The following OPRPN variants were observed in gnomAD, a reference collection of about 807,000 sequenced individuals.
The protein encoded by OPRPN is basic proline-rich lacrimal protein.
A neutral mutation model predicts 2.2 loss-of-function variants in OPRPN; 1 was observed. The observed-to-expected ratio is 0.45, with a 90% CI of 0.16 to 2.15. OPRPN has a LOEUF of 2.15. Among genes scored for constraint, OPRPN ranks in the 30% most tolerant of loss-of-function variants. OPRPN has a pLI of 0.28. For synonymous variants in OPRPN, 126 were observed against 111.5 expected, an observed-to-expected ratio of 1.13 and a Z score of -0.82; for missense variants, 306 against 297.3, an observed-to-expected ratio of 1.03 and a Z score of -0.21.
chr4:70,399,244 T>C lies in OPRPN; in HGVS notation c.-15-27T>C, dbSNP rs1015703088. ...AACACTGTTGATCGATTTGGCTAAC[T>C]GTGGATAATCTTTGGCCTGTTTGTA... On this transcript the variant is annotated intron_variant, in intron 1 of 2. Coordinates refer to ENST00000399575, the MANE Select transcript of OPRPN (RefSeq NM_021225.5). 7.8e-6 allele frequency: 12 copies of C among 1,529,672 alleles called. No individual in the cohort carries two copies. The African/African-American group carries it at 1.5e-4, about 19-fold the overall frequency. 94.8% of individuals were successfully genotyped at this position (1,529,672 alleles called of 1,614,324 possible).
intron 2 of OPRPN, among the ~76,000 whole-genome samples, chr4:70,403,464 T>C (rs903535577): frequency 5.9e-5 from 9 of 152,194 alleles, no homozygotes; most frequent in Non-Finnish European, 8.8e-5. Context: ...CAAGGCAATA[T>C]GGCATGTAAA....
Position 70,399,327 on chromosome 4 carries a change from A to C in OPRPN, c.42A>C (p.Ser14=), listed in dbSNP as rs1436708773. 1.3e-6 allele frequency: 2 copies of C among 1,595,468 alleles called. No homozygotes were observed. Among genetic ancestry groups the C allele is most frequent in the South Asian group, 2.2e-5 (2 of 90,324 alleles). ...TCTTGGGCCTGTTGGCTCTTATTTC[A>C]TGTTTCACAGTAAGTTCCCTCAATT... The part of the protein sequence containing the change: ...TFFLGLLALI[S]CFTPSESQRF... Residue 14 remains serine, a synonymous_variant, in exon 2 of 3, where the codon TCA becomes TCC. Transcript: ENST00000399575.
At chr4:70,401,467 T>C (rs1732983187) in intron 2 of OPRPN, among the ~76,000 whole-genome samples, 1 of 152,054 alleles carries the variant, frequency 6.6e-6, no homozygotes, top group African/African-American at 2.4e-5. Context: ...CTATCTAGGA[T>C]TTAAATTAAA....
rs1379706454 is a variant in OPRPN, at chr4:70,410,130, T to G, written c.*55T>G. ...CTCTGATATCTTAGAAGAAATAAACTGCAATGATTTTGATGGAACCAACCC... is the reference window on the plus strand; with the variant it reads ...CTCTGATATCTTAGAAGAAATAAACGGCAATGATTTTGATGGAACCAACCC... On this transcript the variant is annotated 3_prime_UTR_variant, in exon 3 of 3. Transcript: ENST00000399575. The G allele has an allele frequency of 7.3e-7, 1 of 1,373,022 alleles. No individual in the cohort carries two copies. The highest frequency in any genetic ancestry group is 1.5e-5 in the African/African-American group (1 of 68,282). 85.1% of individuals were successfully genotyped at this position (1,373,022 alleles called of 1,614,324 possible).
chr4:70,403,783 T>C (rs1733029203), intron 2 of OPRPN, among the ~76,000 whole-genome samples: 2 of 152,074 alleles, frequency 1.3e-5, no homozygotes, highest in East Asian at 1.9e-4. Context: ...TTCTGCCTTT[T>C]CTTCTATTAT....
chr4:70,408,824 G>A (rs1733144889), intron 2 of OPRPN, among the ~76,000 whole-genome samples: 1 of 152,160 alleles, frequency 6.6e-6, no homozygotes, highest in African/African-American at 2.4e-5. Context: ...GCTTTTTGTT[G>A]TATTGCCTTG....
intron 2 of OPRPN, among the ~76,000 whole-genome samples, chr4:70,405,657 T>C (rs925621322): frequency 5.3e-5 from 8 of 152,226 alleles, no homozygotes; most frequent in African/African-American, 1.9e-4. Flanking sequence ...CTCAAAAGGA[T>C]TAAAACTTAA....
intron 2 of OPRPN, among the ~76,000 whole-genome samples, chr4:70,400,711 T>C (rs1185995188): frequency 6.6e-6 from 1 of 152,016 alleles, no homozygotes; most frequent in Non-Finnish European, 1.5e-5. Flanking sequence ...TCAAGGTAAA[T>C]TCAACTTAAA....
rs765922490 is a variant in OPRPN at position 70,409,412 on chromosome 4, A to G, written c.84A>G (p.Pro28=). ...AGAGTCAAAGATTCTCCAGAAGACC[A>G]TATCTACCTGGCCAGCTGCCACCAC... The part of the protein sequence containing the change: ...PSESQRFSRR[P]YLPGQLPPPP... The change falls in exon 3 of 3, where the codon CCA becomes CCG. Residue 28 remains proline, a synonymous_variant. Coordinates refer to ENST00000399575, the MANE Select transcript of OPRPN (RefSeq NM_021225.5). 8.7e-6 allele frequency: 14 copies of G among 1,613,054 alleles called. No individual in the cohort carries two copies. Among genetic ancestry groups the G allele is most frequent in the Admixed American group, 1.7e-5 (1 of 59,920 alleles).
chr4:70,400,054 A>G (rs2109767979), intron 2 of OPRPN, among the ~76,000 whole-genome samples: 1 of 152,088 alleles, frequency 6.6e-6, no homozygotes, highest in East Asian at 1.9e-4. Flanking sequence ...AGCCAAAAAC[A>G]TCATAGCATG....
chr4:70,408,715 C>G (rs1376676156), intron 2 of OPRPN, among the ~76,000 whole-genome samples: 2 of 152,100 alleles, frequency 1.3e-5, no homozygotes, highest in African/African-American at 4.8e-5. Flanking sequence ...AGCAAGTCAC[C>G]CAGCTAGCAT....
rs538774378 is a variant in OPRPN, at chr4:70,407,389, A to G, written c.52-1991A>G. Among the ~76,000 whole-genome samples, 136 of 152,384 alleles carry G rather than the reference A, an allele frequency of 8.9e-4. 4 individuals carry two copies. The South Asian group carries it at 0.028, about 31-fold the overall frequency. On this transcript the variant is annotated intron_variant, in intron 2 of 2. Transcript: ENST00000399575. ...AATAAAAGGTGATGACTAAGACAGG[A>G]CAGTCCCTGGAAAGGGAGAAAACAT...
At position 70,408,137 on chromosome 4, in the gene OPRPN, T is replaced by C. The variant is rs529791482; in HGVS notation, c.52-1243T>C. Reference sequence around the variant, plus strand: ...CCAGCAATGTTCATCACCATGGAAGTAGGACTAGGGAAGGTAGTTTGCATA... The same window carrying C: ...CCAGCAATGTTCATCACCATGGAAGCAGGACTAGGGAAGGTAGTTTGCATA... On this transcript the variant is annotated intron_variant, in intron 2 of 2. Coordinates refer to ENST00000399575, the MANE Select transcript of OPRPN (RefSeq NM_021225.5). Among the ~76,000 whole-genome samples, 7 of 152,268 alleles carry C rather than the reference T, an allele frequency of 4.6e-5. No homozygotes were observed. In the East Asian group the frequency reaches 1.2e-3, roughly 25 times the overall value.
chr4:70,405,506 T>C (rs1005274879), intron 2 of OPRPN, among the ~76,000 whole-genome samples: 42 of 152,220 alleles, frequency 2.8e-4, no homozygotes, highest in African/African-American at 9.9e-4. Context: ...CTTTCTCTTA[T>C]TGATACCCAA....
Position 70,409,392 on chromosome 4 carries a change from C to A in OPRPN, c.64C>A (p.Gln22Lys), listed in dbSNP as rs768081548. ...TTTATCTCCACAGCCCAGTGAGAGTCAAAGATTCTCCAGAAGACCATATCT... is the reference window on the plus strand; with the variant it reads ...TTTATCTCCACAGCCCAGTGAGAGTAAAAGATTCTCCAGAAGACCATATCT... ...LISCFTPSES[Q>K]RFSRRPYLPG... Residue 22 changes from glutamine (Q) to lysine (K), a missense_variant, in exon 3 of 3, where the codon CAA becomes AAA. By Grantham distance (53) the Gln-to-Lys change is moderately conservative. Transcript: ENST00000399575. The A allele has an allele frequency of 6.2e-7, 1 of 1,607,060 alleles. No homozygotes were observed. Among genetic ancestry groups the A allele is most frequent in the Non-Finnish European group, 8.5e-7 (1 of 1,176,432 alleles).
At chr4:70,403,065 T>A (rs1733015555) in intron 2 of OPRPN, among the ~76,000 whole-genome samples, 1 of 152,030 alleles carries the variant, frequency 6.6e-6, no homozygotes, top group Admixed American at 6.6e-5. Flanking sequence ...CCATAATGAT[T>A]TGGAGAAAAA....
At position 70,409,593 on chromosome 4, in the gene OPRPN, C is replaced by T; in HGVS notation, c.265C>T (p.Pro89Ser). ...AGCAGTCATTCTATCTCAACTCTTT[C>T]CATTGGAATCTATTAGACAACCTCG... ...SQAVILSQLF[P>S]LESIRQPRLF... is the part of the protein sequence containing the mutation. Residue 89 changes from proline to serine, a missense_variant, in exon 3 of 3, where the codon CCA (proline) becomes TCA (serine). Pro to Ser is a moderately conservative substitution (Grantham distance 74, BLOSUM62 -1). Transcript: ENST00000399575. 1.2e-6 allele frequency: 2 copies of T among 1,613,724 alleles called. No homozygotes were observed. The highest frequency in any genetic ancestry group is 1.7e-6 in the Non-Finnish European group (2 of 1,179,650).
At chr4:70,404,148 T>C (rs1430200029) in intron 2 of OPRPN, among the ~76,000 whole-genome samples, 1 of 152,210 alleles carries the variant, frequency 6.6e-6, no homozygotes, top group Non-Finnish European at 1.5e-5. Context: ...ATTTGTCAAA[T>C]TGTACTCAAA....
At position 70,409,501 on chromosome 4, in the gene OPRPN, A is replaced by T; in HGVS notation, c.173A>T (p.Asn58Ile). 6.2e-7 allele frequency: 1 copy of T among 1,613,952 alleles called. No individual in the cohort carries two copies. The highest frequency in any genetic ancestry group is 1.1e-5 in the South Asian group (1 of 91,054). ...CCACCTCCCTATGACTCAAGACTTA[A>T]TTCACCACTTTCTCTTCCCTTTGTC... ...SPPPPYDSRL[N>I]SPLSLPFVPG... Residue 58 changes from asparagine (N) to isoleucine (I), a missense_variant, in exon 3 of 3, where the codon AAT (asparagine) becomes ATT (isoleucine). Transcript: ENST00000399575.
Sources: allele counts gnomAD v4.1 joint callset (sites outside exome capture counted in the v4.1 genomes callset), GRCh38; gene constraint gnomAD v4.1.1; transcripts MANE v1.5; gene names NCBI Gene and HGNC (gene_info 2026-07-23, HGNC 2026-07-21).